PRKCH: variants seen among roughly 807,000 people sequenced by gnomAD.
The protein encoded by PRKCH is protein kinase C eta.
PRKCH carries 28 observed loss-of-function variants against 82.5 expected under a neutral mutation model. That is an observed-to-expected ratio of 0.34 (90% CI 0.25 to 0.47). The LOEUF (loss-of-function observed/expected upper bound fraction) is 0.47. PRKCH is among the 20% of genes least tolerant of loss of function. The probability of loss-of-function intolerance (pLI) is 1.00; values close to 1 mark genes in which losing one functional copy is unlikely to be tolerated. For missense variants in PRKCH, 705 were observed against 881.8 expected (o/e 0.80, Z 2.54); for synonymous variants, 322 against 327.4 (o/e 0.98, Z 0.18).
chr14:61,197,562 T>A (rs1351723917), intron 1 of PRKCH, among the ~76,000 whole-genome samples: 3 of 152,142 alleles, frequency 2.0e-5, no homozygotes, highest in Non-Finnish European at 2.9e-5. Context: ...TTCCTCTGCT[T>A]CTAGAGCCAC....
chr14:61,434,240 A>C (rs966571262), intron 2 of PRKCH, among the ~76,000 whole-genome samples: 9 of 152,202 alleles, frequency 5.9e-5, no homozygotes, highest in African/African-American at 2.2e-4. Context: ...TTAAGCTTGG[A>C]GTTGACAATA....
chr14:61,549,270 C>T (rs963993595), intron 13 of PRKCH, among the ~76,000 whole-genome samples: 5 of 152,212 alleles, frequency 3.3e-5, no homozygotes, highest in Admixed American at 6.5e-5. Context: ...TAGAACTCTG[C>T]GCAAACAATA....
At chr14:61,412,985 A>T (rs1033984917) in intron 2 of PRKCH, among the ~76,000 whole-genome samples, 1 of 151,978 alleles carries the variant, frequency 6.6e-6, no homozygotes, top group African/African-American at 2.4e-5. Flanking sequence ...ACCTGGACTG[A>T]CCACACTTTG....
intron 1 of PRKCH, among the ~76,000 whole-genome samples, chr14:61,355,715 C>T (rs142288876): frequency 5.3e-4 from 80 of 152,288 alleles, no homozygotes; most frequent in African/African-American, 1.8e-3. Flanking sequence ...TCACGGGTGG[C>T]TTCTGAATTC....
At chr14:61,396,740 G>A (rs1458519403) in intron 2 of PRKCH, among the ~76,000 whole-genome samples, 2 of 152,176 alleles carry the variant, frequency 1.3e-5, no homozygotes, top group African/African-American at 4.8e-5. Flanking sequence ...GAAACGAAAA[G>A]GAGTGTGGAG....
At chr14:61,368,641 T>C (rs565286354) in intron 1 of PRKCH, among the ~76,000 whole-genome samples, 1 of 152,110 alleles carries the variant, frequency 6.6e-6, no homozygotes, top group South Asian at 2.1e-4. Flanking sequence ...GATCACCTCC[T>C]CTCTTACAGA....
chr14:61,496,769 C>CT (rs1255269569), intron 10 of PRKCH, among the ~76,000 whole-genome samples: 2 of 152,142 alleles, frequency 1.3e-5, no homozygotes, highest in African/African-American at 2.4e-5. Context: ...AAATTCTACG[C>CT]TTTTTTTATT....
Position 61,547,783 on chromosome 14 carries a change from C to T in PRKCH, c.1802C>T (p.Thr601Ile), listed in dbSNP as rs146732086. ...KNPTMRLGSLTQGGEHAILRH... is the reference protein window; with the variant it reads ...KNPTMRLGSLIQGGEHAILRH... The stretch of plus-strand genomic sequence containing the variant: ...CCCACCATGCGCTTGGGCAGCCTGA[C>T]TCAGGGAGGCGAGCACGCCATCTTG... Residue 601 changes from threonine (T) to isoleucine (I), a missense_variant, in exon 13 of 14, where the codon ACT becomes ATT. Coordinates refer to ENST00000332981, the MANE Select transcript of PRKCH (RefSeq NM_006255.5). 13 of 1,614,096 alleles carry T rather than the reference C, an allele frequency of 8.1e-6. No individual in the cohort carries two copies. In the East Asian group the frequency reaches 8.9e-5, roughly 11 times the overall value.
intron 2 of PRKCH, among the ~76,000 whole-genome samples, chr14:61,425,237 G>A (rs1404242195): frequency 6.6e-6 from 1 of 152,176 alleles, no homozygotes; most frequent in Admixed American, 6.5e-5. Context: ...GACCCCAGCA[G>A]ATGGTAAATC....
chr14:61,392,128 AATG>A (rs1470091347), intron 2 of PRKCH, among the ~76,000 whole-genome samples: 27 of 151,446 alleles, frequency 1.8e-4, no homozygotes, highest in African/African-American at 6.5e-4. Flanking sequence ...CCATTATATA[AATG>A]TAGCATCCAT....
chr14:61,286,921 G>C lies in PRKCH; in HGVS notation c.-19+99253G>C, dbSNP rs1187176304. Among the ~76,000 whole-genome samples the C allele has an allele frequency of 2.6e-5, 4 of 151,720 alleles. No homozygotes were observed. In the East Asian group the frequency reaches 5.9e-4, roughly 22 times the overall value. On this transcript the variant is annotated intron_variant, in intron 1 of 3. Coordinates refer to the PRKCH transcript ENST00000555185. ...TATGGGATGGCCAGATTAAAAGACA[G>C]TTGGCAGGGTGCAATGGATCACACC...
Position 61,286,854 on chromosome 14 carries a change from T to C in PRKCH, c.-19+99186T>C, listed in dbSNP as rs143010695. 3.4e-3 allele frequency among the ~76,000 whole-genome samples: 517 copies of C among 151,924 alleles called. 1 individual carries two copies. The highest frequency in any genetic ancestry group is 0.011 in the African/African-American group (471 of 41,456). On this transcript the variant is annotated intron_variant, in intron 1 of 3. Coordinates refer to the PRKCH transcript ENST00000555185. ...GGCAGTATAAAGTGAAAAATGGGAC[T>C]GAGATGGATAACAGAAGGTCTTAAA...
rs372041984 is a variant in PRKCH at position 61,302,057 on chromosome 14, C to G, written c.-19+114389C>G. Among the ~76,000 whole-genome samples, 181 of 152,266 alleles carry G rather than the reference C, an allele frequency of 1.2e-3. 4 individuals carry two copies. In the South Asian group the frequency reaches 0.037, roughly 31 times the overall value. On this transcript the variant is annotated intron_variant, in intron 1 of 3. Transcript: ENST00000555185. ...TTCTATTTCTTTAACAGAGACAGGGCTATTCAGATTTTCTGTTTCTTCTTG... is the reference window on the plus strand; with the variant it reads ...TTCTATTTCTTTAACAGAGACAGGGGTATTCAGATTTTCTGTTTCTTCTTG...
intron 1 of PRKCH, among the ~76,000 whole-genome samples, chr14:61,195,523 A>G (rs2044434270): frequency 6.6e-6 from 1 of 152,228 alleles, no homozygotes; most frequent in African/African-American, 2.4e-5. Flanking sequence ...ATGGGCATAT[A>G]CTATTGGAGA....
chr14:61,501,953 A>G (rs1030093278), intron 10 of PRKCH, among the ~76,000 whole-genome samples: 1 of 151,888 alleles, frequency 6.6e-6, no homozygotes, highest in East Asian at 1.9e-4. Flanking sequence ...ATGGTGGTAT[A>G]TTATCTACCT....
chr14:61,321,299 C>T (rs1350787180), upstream of PRKCH, among the ~76,000 whole-genome samples: 3 of 152,204 alleles, frequency 2.0e-5, no homozygotes, highest in Non-Finnish European at 4.4e-5. The surrounding 1 kb of genome is among the most constrained non-coding windows in gnomAD (Gnocchi z 4.1). Flanking sequence ...TCCTCTGCGT[C>T]CTCCCAACCT....
chr14:61,503,329 G>A (rs1321655507), intron 10 of PRKCH, among the ~76,000 whole-genome samples: 2 of 149,538 alleles, frequency 1.3e-5, no homozygotes, highest in Non-Finnish European at 3.0e-5. Flanking sequence ...ATCTGGTTGA[G>A]TAATTCAGAA....
intron 10 of PRKCH, chr14:61,528,182 A>ACACACACACACACAC (rs1566929556): frequency 6.6e-5 from 10 of 151,084 alleles, no homozygotes; most frequent in South Asian, 6.3e-4. Flanking sequence ...ACACACACAC[A>ACACACACACACACAC]AAGTATTTCT....
chr14:61,279,832 AC>A, intron 1 of PRKCH: 1 of 484,256 alleles, frequency 2.1e-6, no homozygotes, highest in Non-Finnish European at 3.7e-6. Context: ...GAAGAACCTC[AC>A]ATGGCAACTC....
Sources: gnomAD v4.1 joint callset for allele counts (sites outside exome capture counted in the v4.1 genomes callset) on GRCh38, gnomAD v4.1.1 for gene constraint, Gnocchi (gnomAD v3.1) non-coding constraint, MANE v1.5 for transcripts, NCBI Gene and HGNC (gene_info 2026-07-23, HGNC 2026-07-21) for gene names.